The following MCC variants were observed in gnomAD, a reference collection of about 807,000 sequenced individuals.
MCC encodes the protein colorectal mutant cancer protein.
MCC carries 90 observed loss-of-function variants against 116.2 expected under a neutral mutation model. That is an observed-to-expected ratio of 0.77 (90% CI 0.65 to 0.92). The LOEUF (loss-of-function observed/expected upper bound fraction) is 0.92. Among genes scored for constraint, MCC ranks in the 40% least tolerant of loss-of-function variants. The pLI is 0.00. For synonymous variants in MCC, 578 were observed against 510.5 expected, an observed-to-expected ratio of 1.13 and a Z score of -1.78; for missense variants, 1,516 against 1,312.2, an observed-to-expected ratio of 1.16 and a Z score of -2.40.
At chr5:113,234,953 C>T (rs1270510936) in intron 3 of MCC, among the ~76,000 whole-genome samples, 1 of 152,174 alleles carries the variant, frequency 6.6e-6, no homozygotes, top group Non-Finnish European at 1.5e-5. Context: ...CTTGAGTTCG[C>T]TGCCAGAAAT....
chr5:113,285,201 C>T (rs927171831), intron 3 of MCC, among the ~76,000 whole-genome samples: 11 of 152,062 alleles, frequency 7.2e-5, no homozygotes, highest in South Asian at 2.1e-4. Context: ...GCTTCAAAGG[C>T]GGGAAGCCAA....
chr5:113,322,438 T>C (rs948257928), intron 3 of MCC, among the ~76,000 whole-genome samples: 3 of 152,240 alleles, frequency 2.0e-5, no homozygotes, highest in African/African-American at 4.8e-5. Flanking sequence ...ATATCTGTTA[T>C]GAAGTTTTAC....
chr5:113,428,619 T>C (rs1445568907), intron 1 of MCC: 1 of 152,260 alleles, frequency 6.6e-6, no homozygotes, highest in African/African-American at 2.4e-5. Flanking sequence ...ACAGTTCAAC[T>C]TCTCCATGTG....
intron 2 of MCC, among the ~76,000 whole-genome samples, chr5:113,359,752 T>C (rs181851718): frequency 6.6e-6 from 1 of 152,320 alleles, no homozygotes; most frequent in East Asian, 1.9e-4. Context: ...GGAAGGAGCA[T>C]TAAAATGAAG....
chr5:113,260,509 C>G (rs1765183102), intron 3 of MCC, among the ~76,000 whole-genome samples: 1 of 152,134 alleles, frequency 6.6e-6, no homozygotes, highest in South Asian at 2.1e-4. Context: ...GTCTTGCAAT[C>G]ATCTTTTGAG....
intron 3 of MCC, among the ~76,000 whole-genome samples, chr5:113,310,996 G>A (rs115666695): frequency 0.021 from 3,142 of 152,286 alleles, 32 homozygotes; most frequent in Middle Eastern, 0.027. Context: ...GGGCACAGTG[G>A]CTCATGCCTG....
intron 3 of MCC, among the ~76,000 whole-genome samples, chr5:113,277,741 CTTTAT>C: frequency 6.6e-6 from 1 of 152,254 alleles, no homozygotes; most frequent in South Asian, 2.1e-4. Flanking sequence ...TCATACCACT[CTTTAT>C]TTATGTGGTA....
chr5:113,385,472 C>G (rs1390691006), intron 1 of MCC, among the ~76,000 whole-genome samples: 1 of 152,046 alleles, frequency 6.6e-6, no homozygotes, highest in Non-Finnish European at 1.5e-5. Flanking sequence ...GTTTCCACAC[C>G]CTTCTCTCCC....
intron 4 of MCC, among the ~76,000 whole-genome samples, chr5:113,149,981 C>A (rs1287904843): frequency 6.6e-6 from 1 of 152,062 alleles, no homozygotes; most frequent in Non-Finnish European, 1.5e-5. Context: ...AGGGGTTTTG[C>A]CTGACCAAAG....
At chr5:113,062,780 G>A (rs1431696983) in intron 14 of MCC, among the ~76,000 whole-genome samples, 1 of 152,222 alleles carries the variant, frequency 6.6e-6, no homozygotes, top group East Asian at 1.9e-4. Flanking sequence ...GCATTACTGG[G>A]CATGTTCCCT....
chr5:113,418,669 G>A (rs58474673), intron 1 of MCC, among the ~76,000 whole-genome samples: 3,342 of 148,826 alleles, frequency 0.022, 132 homozygotes, highest in African/African-American at 0.079. Context: ...CCTAACAAGT[G>A]GCAAAATCTT....
At chr5:113,184,467 T>TTTTC (rs1761790511) in intron 3 of MCC, among the ~76,000 whole-genome samples, 1 of 144,798 alleles carries the variant, frequency 6.9e-6, no homozygotes, top group Non-Finnish European at 1.5e-5. Flanking sequence ...TTAGTTTCTT[T>TTTTC]CTTCGTTTTT....
intron 3 of MCC, among the ~76,000 whole-genome samples, chr5:113,328,285 C>CA (rs1401673713): frequency 6.6e-6 from 1 of 152,178 alleles, no homozygotes; most frequent in African/African-American, 2.4e-5. Context: ...CAAACGTGAC[C>CA]AGTTATTCAT....
At chr5:113,122,631 A>G in intron 6 of MCC, 53 bp downstream of exon 6, 1 of 1,594,770 alleles carries the variant, frequency 6.3e-7, no homozygotes, top group East Asian at 2.2e-5. Context: ...TAAAATTTCT[A>G]TTACAATCCA....
chr5:113,039,058 C>T (rs989178735), intron 17 of MCC, among the ~76,000 whole-genome samples: 3 of 152,168 alleles, frequency 2.0e-5, no homozygotes, highest in Non-Finnish European at 2.9e-5. Flanking sequence ...GCTCGCCCCA[C>T]CCTGCTCCTG....
intron 8 of MCC, 124 bp downstream of exon 8, chr5:113,101,615 G>T: frequency 1.1e-6 from 1 of 920,782 alleles, no homozygotes; most frequent in Non-Finnish European, 1.7e-6. Flanking sequence ...TAACAGGAAA[G>T]AGACAGTGAT....
chr5:113,449,980 A>T (rs1771341242), intron 1 of MCC, among the ~76,000 whole-genome samples: 1 of 152,246 alleles, frequency 6.6e-6, no homozygotes, highest in South Asian at 2.1e-4. Flanking sequence ...TAAAGAGAAC[A>T]CATGAAATTA....
intron 3 of MCC, among the ~76,000 whole-genome samples, chr5:113,199,785 G>A (rs1241155067): frequency 6.6e-6 from 1 of 152,174 alleles, no homozygotes; most frequent in African/African-American, 2.4e-5. Context: ...AGACCACCAA[G>A]GCTAATACCA....
chr5:113,478,592 A>G (rs1184731160), intron 1 of MCC, among the ~76,000 whole-genome samples: 2 of 152,182 alleles, frequency 1.3e-5, no homozygotes, highest in Non-Finnish European at 2.9e-5. Context: ...TAAGCTTGGG[A>G]TGCCATCAGA....
Sources: allele counts gnomAD v4.1 joint callset (sites outside exome capture counted in the v4.1 genomes callset), GRCh38; gene constraint gnomAD v4.1.1; transcripts MANE v1.5; gene names NCBI Gene and HGNC (gene_info 2026-07-23, HGNC 2026-07-21).